PRKAR2B: variants seen among roughly 807,000 people sequenced by gnomAD.
PRKAR2B encodes the protein protein kinase cAMP-dependent type II regulatory subunit beta, also known as cAMP-dependent protein kinase type II-beta regulatory subunit.
PRKAR2B carries 14 observed loss-of-function variants against 49.9 expected under a neutral mutation model. That is an observed-to-expected ratio of 0.28 (90% CI 0.19 to 0.44). The LOEUF is 0.44. Among genes scored for constraint, PRKAR2B ranks in the 20% least tolerant of loss-of-function variants. PRKAR2B has a pLI of 1.00. For synonymous variants in PRKAR2B, 196 were observed against 197.7 expected (o/e 0.99, Z 0.07); for missense variants, 393 against 537.9 (o/e 0.73, Z 2.67).
At chr7:107,146,953 G>A (rs776704195) in intron 6 of PRKAR2B, among the ~76,000 whole-genome samples, 2 of 152,126 alleles carry the variant, frequency 1.3e-5, no homozygotes, top group Non-Finnish European at 2.9e-5. Flanking sequence ...TGAGAAACCA[G>A]TATAAAAGGA....
chr7:107,065,313 G>GGTGTGTGTGTGTGTGT (rs1353262616), intron 1 of PRKAR2B, among the ~76,000 whole-genome samples: 8 of 130,394 alleles, frequency 6.1e-5, no homozygotes, highest in African/African-American at 2.3e-4. Context: ...GTTTGCTCGG[G>GGTGTGTGTGTGTGTGT]GTGTGTGTAT....
rs1793949615 is a variant in PRKAR2B at position 107,058,061 on chromosome 7, A to G, written c.308-12220A>G. 3.6e-5 allele frequency among the ~76,000 whole-genome samples: 5 copies of G among 139,292 alleles called. No homozygotes were observed. In the South Asian group the frequency reaches 1.1e-3, roughly 31 times the overall value. The allele number at this position is 139,292 out of a possible 152,430, so 91.4% of individuals were successfully genotyped here. On this transcript the variant is annotated intron_variant, in intron 1 of 10. Transcript: ENST00000265717. ...GGTAAATAGTCCGACTTGGAAAAAAAAGTAAAAAAAAAAAAAAGATGGGAT... is the reference window on the plus strand; with the variant it reads ...GGTAAATAGTCCGACTTGGAAAAAAGAGTAAAAAAAAAAAAAAGATGGGAT...
intron 5 of PRKAR2B, among the ~76,000 whole-genome samples, chr7:107,142,773 T>G (rs1330716259): frequency 6.7e-6 from 1 of 149,458 alleles, no homozygotes; most frequent in Non-Finnish European, 1.5e-5. Flanking sequence ...TTTTGTTTGT[T>G]TTTTTTTTTT....
intron 1 of PRKAR2B, among the ~76,000 whole-genome samples, chr7:107,058,048 G>T (rs1480665772): frequency 6.9e-6 from 1 of 145,262 alleles, no homozygotes; most frequent in South Asian, 2.2e-4. Flanking sequence ...TAAATAGTCC[G>T]ACTTGGAAAA....
At chr7:107,151,368 C>T (rs1310767733) in intron 7 of PRKAR2B, among the ~76,000 whole-genome samples, 2 of 152,222 alleles carry the variant, frequency 1.3e-5, no homozygotes, top group African/African-American at 2.4e-5. Flanking sequence ...AGAATGTCCT[C>T]TCTGGCCTCT....
chr7:107,150,129 C>A (rs1432330362), intron 6 of PRKAR2B, among the ~76,000 whole-genome samples: 2 of 151,702 alleles, frequency 1.3e-5, no homozygotes, highest in African/African-American at 4.8e-5. Context: ...ATTATTGAGG[C>A]TTTTATTAAA....
intron 2 of PRKAR2B, among the ~76,000 whole-genome samples, chr7:107,110,211 G>A (rs1427716476): frequency 6.6e-6 from 1 of 152,162 alleles, no homozygotes; most frequent in African/African-American, 2.4e-5. Context: ...GCCCACAGAA[G>A]GAATATTTAA....
intron 2 of PRKAR2B, among the ~76,000 whole-genome samples, chr7:107,116,866 CAT>C (rs922629360): frequency 3.0e-4 from 43 of 143,202 alleles, no homozygotes; most frequent in Admixed American, 1.9e-3. Context: ...TATATATATA[CAT>C]ATATATATAT....
At chr7:107,132,082 G>T (rs750672043) in intron 4 of PRKAR2B, among the ~76,000 whole-genome samples, 1 of 152,176 alleles carries the variant, frequency 6.6e-6, no homozygotes, top group Non-Finnish European at 1.5e-5. Context: ...GTCAGGGCAT[G>T]GTGAGAAGAT....
chr7:107,157,674 C>T (rs527971993), intron 10 of PRKAR2B, among the ~76,000 whole-genome samples: 1 of 152,122 alleles, frequency 6.6e-6, no homozygotes, highest in African/African-American at 2.4e-5. Context: ...TTATAAAGTC[C>T]GTTATTAAGA....
At chr7:107,104,372 TC>T (rs1795034357) in intron 2 of PRKAR2B, among the ~76,000 whole-genome samples, 1 of 152,166 alleles carries the variant, frequency 6.6e-6, no homozygotes, top group South Asian at 2.1e-4. Context: ...TTTCTTAGTT[TC>T]AAGGGGCTGG....
chr7:107,146,084 T>C (rs1294727588), intron 5 of PRKAR2B, among the ~76,000 whole-genome samples: 1 of 152,130 alleles, frequency 6.6e-6, no homozygotes, highest in Non-Finnish European at 1.5e-5. Context: ...TCTTTAGTTA[T>C]AGTTTTATCA....
intron 5 of PRKAR2B, among the ~76,000 whole-genome samples, chr7:107,145,363 G>A (rs902464854): frequency 1.3e-5 from 2 of 152,210 alleles, no homozygotes; most frequent in Non-Finnish European, 2.9e-5. Flanking sequence ...AAGGACCCTA[G>A]TAAGTTTTGT....
chr7:107,138,966 A>G (rs1048423129), intron 4 of PRKAR2B, among the ~76,000 whole-genome samples: 3 of 152,120 alleles, frequency 2.0e-5, no homozygotes, highest in South Asian at 2.1e-4. Context: ...GCCATGAGCC[A>G]CTGAACCCTG....
intron 2 of PRKAR2B, among the ~76,000 whole-genome samples, chr7:107,092,287 G>A (rs1292542680): frequency 6.6e-6 from 1 of 151,716 alleles, no homozygotes; most frequent in Non-Finnish European, 1.5e-5. Flanking sequence ...CTGTGTGTGT[G>A]TGTGTGTCAC....
chr7:107,107,084 C>T (rs930621515), intron 2 of PRKAR2B, among the ~76,000 whole-genome samples: 6 of 152,166 alleles, frequency 3.9e-5, no homozygotes, highest in Non-Finnish European at 7.4e-5. Context: ...CGCCTGTAAT[C>T]CCATCATTTT....
At chr7:107,140,102 G>A (rs866657097) in intron 4 of PRKAR2B, among the ~76,000 whole-genome samples, 6 of 152,066 alleles carry the variant, frequency 3.9e-5, no homozygotes, top group Non-Finnish European at 7.4e-5. Flanking sequence ...TATTTGTTCT[G>A]ATTAAAGATT....
At chr7:107,083,392 A>G (rs932290356) in intron 2 of PRKAR2B, among the ~76,000 whole-genome samples, 2 of 151,746 alleles carry the variant, frequency 1.3e-5, no homozygotes, top group Admixed American at 6.6e-5. Context: ...TGATGATGAC[A>G]ACAATACTAA....
rs148025302 is a variant in PRKAR2B, at chr7:107,144,243, G to A, written c.588-2065G>A. Among the ~76,000 whole-genome samples, 11 of 151,708 alleles carry A rather than the reference G, an allele frequency of 7.3e-5. No individual in the cohort carries two copies. The South Asian group carries it at 1.5e-3, about 20-fold the overall frequency. On this transcript the variant is annotated intron_variant, in intron 5 of 10. Transcript: ENST00000265717. ...TGGGATTACAGGTGACTGCCACCAC[G>A]CCTGGCTAATTTTTTTGTATTTTTA...
Sources: gnomAD v4.1 joint callset for allele counts (sites outside exome capture counted in the v4.1 genomes callset) on GRCh38, gnomAD v4.1.1 for gene constraint, MANE v1.5 for transcripts, NCBI Gene and HGNC (gene_info 2026-07-23, HGNC 2026-07-21) for gene names.